KCTD10: variants seen among roughly 807,000 people sequenced by gnomAD.
KCTD10 encodes BTB/POZ domain-containing adapter for CUL3-mediated RhoA degradation protein 3.
In KCTD10, 13 loss-of-function variants were observed where a neutral mutation model predicts 34.6. The ratio of observed to expected loss-of-function variants is 0.38; its 90% confidence interval spans 0.24 to 0.60. KCTD10 has a LOEUF of 0.60. Among genes scored for constraint, KCTD10 ranks in the 20% least tolerant of loss-of-function variants. The pLI is 0.66. For missense variants in KCTD10, 256 were observed against 420.3 expected (o/e 0.61, Z 3.42); for synonymous variants, 156 against 168.8 (o/e 0.92, Z 0.59).
At chr12:109,467,759 CTG>C (rs1873662388) in intron 2 of KCTD10, among the ~76,000 whole-genome samples, 1 of 152,066 alleles carries the variant, frequency 6.6e-6, no homozygotes, top group African/African-American at 2.4e-5. Context: ...CCCCGAGAAC[CTG>C]TGTTTTCCAG....
At chr12:109,472,136 C>A (rs1313083340) in intron 1 of KCTD10, among the ~76,000 whole-genome samples, 1 of 151,956 alleles carries the variant, frequency 6.6e-6, no homozygotes, top group African/African-American at 2.4e-5. Flanking sequence ...AATAAATTAA[C>A]CTTTGCTTAC....
chr12:109,466,794 C>T (rs764057311), intron 2 of KCTD10, among the ~76,000 whole-genome samples: 39 of 152,386 alleles, frequency 2.6e-4, no homozygotes, highest in Non-Finnish European at 4.8e-4. Flanking sequence ...GCTGGATTCA[C>T]TGCCTGGCTG....
At chr12:109,474,490 C>T (rs1874050724) in intron 1 of KCTD10, among the ~76,000 whole-genome samples, 1 of 152,118 alleles carries the variant, frequency 6.6e-6, no homozygotes, top group East Asian at 1.9e-4. Context: ...ACTCCTGACA[C>T]CTAGGTCCTA....
At position 109,460,344 on chromosome 12, in the gene KCTD10, C is replaced by T. The variant is rs915785869; in HGVS notation, c.387+292G>A. Reference sequence around the variant, plus strand: ...AAGCCCTAAGATTGGTCCCGAACACCGACCAAGTTTCACACCGCGGGGTTC... The same window carrying T: ...AAGCCCTAAGATTGGTCCCGAACACTGACCAAGTTTCACACCGCGGGGTTC... On this transcript the variant is annotated intron_variant, in intron 3 of 6. Transcript: ENST00000228495. The surrounding 1 kb of genome is among the most constrained non-coding windows in gnomAD (Gnocchi z 4.5). The T allele has an allele frequency of 2.6e-5, 9 of 350,040 alleles. No individual in the cohort carries two copies. Among genetic ancestry groups the T allele is most frequent in the Admixed American group, 1.3e-4 (3 of 23,040 alleles). The allele number at this position is 350,040 out of a possible 1,614,324, so 21.7% of individuals were successfully genotyped here. A position where few individuals can be genotyped will look rare whatever the true frequency, so the allele number is the denominator to read the frequency against.
intron 2 of KCTD10, among the ~76,000 whole-genome samples, chr12:109,467,627 AAG>A (rs1039224813): frequency 6.6e-6 from 1 of 152,108 alleles, no homozygotes; most frequent in African/African-American, 2.4e-5. Flanking sequence ...GTCTCAAAAA[AAG>A]AGAAAAGAAT....
chr12:109,462,427 A>AC (rs769182893), intron 2 of KCTD10, among the ~76,000 whole-genome samples: 6 of 152,176 alleles, frequency 3.9e-5, no homozygotes, highest in Non-Finnish European at 8.8e-5. Flanking sequence ...CCCTGAGTCA[A>AC]CTCCTGGTTT....
At position 109,460,570 on chromosome 12, in the gene KCTD10, G is replaced by T; in HGVS notation, c.387+66C>A. ...AAACTGCCCCCATTTTGCAGAGAGG[G>T]AAAATGAGGAAGGCAGGTAGGCTTG... On this transcript the variant is annotated intron_variant, in intron 3 of 6. Transcript: ENST00000228495. The surrounding 1 kb of genome is among the most constrained non-coding windows in gnomAD (Gnocchi z 4.5). 6.7e-7 allele frequency: 1 copy of T among 1,503,038 alleles called. No individual in the cohort carries two copies. Among genetic ancestry groups the T allele is most frequent in the Non-Finnish European group, 9.1e-7 (1 of 1,100,060 alleles). 93.1% of individuals were successfully genotyped at this position (1,503,038 alleles called of 1,614,324 possible). A position where few individuals can be genotyped will look rare whatever the true frequency, so the allele number is the denominator to read the frequency against.
intron 2 of KCTD10, chr12:109,464,704 G>A (rs1873507963): frequency 2.6e-6 from 1 of 384,152 alleles, no homozygotes; most frequent in Non-Finnish European, 5.2e-6. Context: ...ACTCAAAAGA[G>A]CAATACACAT....
At chr12:109,465,251 C>T (rs1313795012) in intron 2 of KCTD10, among the ~76,000 whole-genome samples, 2 of 152,176 alleles carry the variant, frequency 1.3e-5, no homozygotes, top group East Asian at 1.9e-4. Context: ...AATGTCTGAA[C>T]GAGAGCTATT....
Position 109,457,687 on chromosome 12 carries a change from G to A in KCTD10, c.475-5C>T. ...GTAGAGCAACTTCACGGCTGGCTGT[G>A]GGTTGTTTTAAAAGAAGAAGAAGAG... On this transcript the variant is annotated splice_polypyrimidine_tract_variant and splice_region_variant and intron_variant, in intron 4 of 6. Coordinates refer to ENST00000228495, the MANE Select transcript of KCTD10 (RefSeq NM_031954.5). 1 of 1,614,098 alleles carries A rather than the reference G, an allele frequency of 6.2e-7. No individual in the cohort carries two copies. Among genetic ancestry groups the A allele is most frequent in the Non-Finnish European group, 8.5e-7 (1 of 1,179,934 alleles).
intron 3 of KCTD10, chr12:109,459,039 G>T (rs1873175659): frequency 6.6e-6 from 1 of 152,164 alleles, no homozygotes; most frequent in Non-Finnish European, 1.5e-5. Flanking sequence ...AACAAAGACA[G>T]GAAAAGAGGA....
At chr12:109,465,896 A>G (rs1873562534) in intron 2 of KCTD10, among the ~76,000 whole-genome samples, 1 of 152,232 alleles carries the variant, frequency 6.6e-6, no homozygotes, top group Non-Finnish European at 1.5e-5. Context: ...TAATTCCAAA[A>G]TACATTAGCA....
chr12:109,471,727 C>A (rs956594737), intron 1 of KCTD10, among the ~76,000 whole-genome samples: 1 of 152,128 alleles, frequency 6.6e-6, no homozygotes, highest in Non-Finnish European at 1.5e-5. Flanking sequence ...AAAAGGCTTA[C>A]GGTCATGGGT....
intron 1 of KCTD10, among the ~76,000 whole-genome samples, chr12:109,476,198 G>T (rs183850919): frequency 1.3e-5 from 2 of 152,306 alleles, no homozygotes; most frequent in African/African-American, 2.4e-5. Flanking sequence ...TAAGTTACCA[G>T]GTGTTGCTGC....
chr12:109,456,226 A>G lies in KCTD10; in HGVS notation c.615T>C (p.Asp205=). The G allele has an allele frequency of 6.2e-7, 1 of 1,614,174 alleles. No homozygotes were observed. The highest frequency in any genetic ancestry group is 1.7e-5 in the Admixed American group (1 of 60,026). The stretch of plus-strand genomic sequence containing the variant: ...AGCAGCAGATTTCATCCCCAATAAC[A>G]TCCTTTATGAACAGGACCCTTCCGT... ...RFNGRVLFIK[D]VIGDEICCWS... Residue 205 remains aspartate, a synonymous_variant, in exon 6 of 7, where the codon GAT becomes GAC. Transcript: ENST00000228495.
At chr12:109,465,882 G>A (rs984571474) in intron 2 of KCTD10, among the ~76,000 whole-genome samples, 38 of 152,126 alleles carry the variant, frequency 2.5e-4, no homozygotes, top group Non-Finnish European at 5.0e-4. Context: ...TCTAGTGTAC[G>A]CACTAATTCC....
In KCTD10 at chr12:109,460,884, C is replaced by T. The variant is rs1873286591; in HGVS notation, c.218-79G>A. On this transcript the variant is annotated intron_variant, in intron 2 of 6. Coordinates refer to ENST00000228495, the MANE Select transcript of KCTD10 (RefSeq NM_031954.5). This position sits in a 1 kb window ranked among gnomAD's most constrained non-coding sequence, Gnocchi z 4.5. ...CCCTGAGCAGAGCTGGGGTGTCTCTCGGCTCCCTCTACCTCCCAGCGGAGA... is the reference window on the plus strand; with the variant it reads ...CCCTGAGCAGAGCTGGGGTGTCTCTTGGCTCCCTCTACCTCCCAGCGGAGA... The T allele has an allele frequency of 1.3e-5, 18 of 1,411,478 alleles. No individual in the cohort carries two copies. Among genetic ancestry groups the T allele is most frequent in the African/African-American group, 1.5e-5 (1 of 67,374 alleles). 87.4% of individuals were successfully genotyped at this position (1,411,478 alleles called of 1,614,324 possible). A position where few individuals can be genotyped will look rare whatever the true frequency, so the allele number is the denominator to read the frequency against.
At chr12:109,464,735 A>C in intron 2 of KCTD10, 1 of 430,838 alleles carries the variant, frequency 2.3e-6, no homozygotes, top group African/African-American at 2.0e-5. Flanking sequence ...TCAACGTACC[A>C]GACATTAGGA....
chr12:109,461,176 T>C (rs1379866540), intron 2 of KCTD10, among the ~76,000 whole-genome samples: 2 of 152,226 alleles, frequency 1.3e-5, no homozygotes, highest in East Asian at 1.9e-4. Flanking sequence ...ATACCAAGGA[T>C]AGAAGAAAGC....
Sources: gnomAD v4.1 joint callset for allele counts (sites outside exome capture counted in the v4.1 genomes callset) on GRCh38, gnomAD v4.1.1 for gene constraint, Gnocchi (gnomAD v3.1) non-coding constraint, MANE v1.5 for transcripts, NCBI Gene and HGNC (gene_info 2026-07-23, HGNC 2026-07-21) for gene names.